The following COL12A1 variants were observed in gnomAD, a reference collection of about 807,000 sequenced individuals.
COL12A1 encodes the protein collagen alpha-1(XII) chain.
COL12A1 carries 114 observed loss-of-function variants against 349.7 expected under a neutral mutation model. The observed-to-expected ratio is 0.33, with a 90% CI of 0.28 to 0.38. The LOEUF is 0.38. Among genes scored for constraint, COL12A1 ranks in the 10% least tolerant of loss-of-function variants. The pLI, the probability that COL12A1 is intolerant of heterozygous loss-of-function variation, is 1.00. For synonymous variants in COL12A1, 1,369 were observed against 1,329.0 expected (o/e 1.03, Z -0.66); for missense variants, 3,284 against 3,756.9 (o/e 0.87, Z 3.29).
intron 57 of COL12A1, 61 bp downstream of exon 57, chr6:75,101,938 A>C: frequency 1.3e-6 from 2 of 1,556,876 alleles, no homozygotes; most frequent in Non-Finnish European, 1.8e-6. Flanking sequence ...TCACCTTTTG[A>C]GGCACTAGAA....
chr6:75,134,284 A>G (rs1018622674), intron 32 of COL12A1, among the ~76,000 whole-genome samples: 4 of 152,160 alleles, frequency 2.6e-5, no homozygotes, highest in East Asian at 3.9e-4. Flanking sequence ...AAAACGATCA[A>G]TATGGCCAGG....
At position 75,130,924 on chromosome 6, in the gene COL12A1, G is replaced by T. The variant is rs1766270923; in HGVS notation, c.5995C>A (p.Leu1999Ile). The change falls in exon 36 of 66, where the codon CTC becomes ATC. Residue 1999 changes from leucine to isoleucine, a missense_variant. Around this residue, in one of 2 missense-constraint regions of COL12A1, gnomAD observed 2,601 missense variants for 2,824.8 expected, o/e 0.92. Coordinates refer to ENST00000322507, the MANE Select transcript of COL12A1 (RefSeq NM_004370.6). ...AGAGCCACAAGGTTCACGGAATAGA[G>T]TGTGTCCGGAATCAGCCGCTCCAGA... ...VHLERLIPDT[L>I]YSVNLVALYS... The T allele has an allele frequency of 2.5e-6, 4 of 1,614,160 alleles. No homozygotes were observed. The highest frequency in any genetic ancestry group is 1.6e-4 in the Middle Eastern group (1 of 6,062).
intron 38 of COL12A1, among the ~76,000 whole-genome samples, chr6:75,127,047 A>C (rs1292800165): frequency 6.6e-6 from 1 of 152,154 alleles, no homozygotes; most frequent in African/African-American, 2.4e-5. Flanking sequence ...TGAGTTTACT[A>C]TTCACAGCAT....
intron 1 of COL12A1, among the ~76,000 whole-genome samples, chr6:75,204,772 A>T (rs1445350492): frequency 6.6e-6 from 1 of 151,408 alleles, no homozygotes; most frequent in African/African-American, 2.4e-5. Context: ...GCGTCCAGTT[A>T]AAAAGAAAAT....
intron 27 of COL12A1, among the ~76,000 whole-genome samples, chr6:75,141,538 C>A (rs940607095): frequency 6.6e-6 from 1 of 152,172 alleles, no homozygotes; most frequent in Non-Finnish European, 1.5e-5. Context: ...ATTTCAGTGC[C>A]ACCTGACCTA....
At position 75,174,283 on chromosome 6, in the gene COL12A1, C is replaced by G. The variant is rs1016098223; in HGVS notation, c.2710+755G>C. On this transcript the variant is annotated intron_variant, in intron 13 of 65. Transcript: ENST00000322507. ...ATAGAAACTTGGATTCTTGGCCAGG[C>G]GCGGTGGCTCAGGCCTGTAATCCCA... 5.3e-5 allele frequency among the ~76,000 whole-genome samples: 8 copies of G among 152,080 alleles called. 1 individual carries two copies. Among genetic ancestry groups the G allele is most frequent in the Admixed American group, 5.2e-4 (8 of 15,266 alleles).
intron 14 of COL12A1, 105 bp from the exon 15 acceptor site, chr6:75,156,628 T>C: frequency 9.6e-7 from 1 of 1,046,250 alleles, no homozygotes; most frequent in Non-Finnish European, 1.4e-6. Context: ...CTTAAATATG[T>C]ACACTGTTCC....
intron 38 of COL12A1, among the ~76,000 whole-genome samples, chr6:75,127,558 A>G (rs943160759): frequency 1.3e-5 from 2 of 152,206 alleles, no homozygotes; most frequent in African/African-American, 4.8e-5. Flanking sequence ...ACTCAGATCT[A>G]GAGTTCATCC....
intron 30 of COL12A1, 76 bp from the exon 31 acceptor site, chr6:75,137,655 G>T: frequency 1.3e-6 from 2 of 1,482,770 alleles, no homozygotes; most frequent in Non-Finnish European, 1.8e-6. Context: ...AGCTCCCAAG[G>T]CAATCAGAGA....
Position 75,191,687 on chromosome 6 carries a change from A to G in COL12A1, c.394+14T>C. Reference sequence around the variant, plus strand: ...TCCATGAATCTAAGCAAAAATAGTAAGAGAAACACTCACTTTGTATCTCGG... The same window carrying G: ...TCCATGAATCTAAGCAAAAATAGTAGGAGAAACACTCACTTTGTATCTCGG... On this transcript the variant is annotated intron_variant, in intron 5 of 65. Transcript: ENST00000322507. 2 of 1,585,794 alleles carry G rather than the reference A, an allele frequency of 1.3e-6. No individual in the cohort carries two copies. The highest frequency in any genetic ancestry group is 1.7e-6 in the Non-Finnish European group (2 of 1,165,472).
chr6:75,096,905 A>C (rs1476882100), intron 59 of COL12A1, among the ~76,000 whole-genome samples: 9 of 151,828 alleles, frequency 5.9e-5, no homozygotes, highest in African/African-American at 1.4e-4. Flanking sequence ...CAAAAAAAAA[A>C]AAAAAAAAAA....
chr6:75,177,871 C>A lies in COL12A1; in HGVS notation c.2229G>T (p.Trp743Cys), dbSNP rs1345727692. 1 of 1,613,628 alleles carries A rather than the reference C, an allele frequency of 6.2e-7. No individual in the cohort carries two copies. Among genetic ancestry groups the A allele is most frequent in the Non-Finnish European group, 8.5e-7 (1 of 1,180,004 alleles). Residue 743 changes from tryptophan (W) to cysteine (C), a missense_variant, in exon 12 of 66, where the codon TGG becomes TGT. Physicochemically the swap from Trp to Cys is radical, Grantham distance 215. Around this residue, in one of 2 missense-constraint regions of COL12A1, gnomAD observed 2,601 missense variants for 2,824.8 expected, o/e 0.92. Transcript: ENST00000322507. ...DETTDSFKIT[W>C]TQAPGRVLRY... ...TTAAAACTCTCCCTGGAGCTTGAGTCCAAGTAATTTTGAAACTATCTGTAG... is the reference window on the plus strand; with the variant it reads ...TTAAAACTCTCCCTGGAGCTTGAGTACAAGTAATTTTGAAACTATCTGTAG...
chr6:75,120,341 A>T (rs190490115), intron 44 of COL12A1, among the ~76,000 whole-genome samples: 240 of 152,328 alleles, frequency 1.6e-3, no homozygotes, highest in African/African-American at 5.7e-3. Context: ...TCCATAAAAG[A>T]GGACAAGTTT....
chr6:75,131,484 C>T (rs1250875390), intron 35 of COL12A1, among the ~76,000 whole-genome samples: 1 of 152,134 alleles, frequency 6.6e-6, no homozygotes, highest in Admixed American at 6.5e-5. Context: ...TTTATTTTTG[C>T]AAAGACTATA....
intron 12 of COL12A1, among the ~76,000 whole-genome samples, chr6:75,176,332 G>A (rs1479728274): frequency 2.7e-5 from 4 of 149,788 alleles, no homozygotes; most frequent in Non-Finnish European, 4.4e-5. Context: ...GGAGGAGGGA[G>A]AGTGATGCAG....
At chr6:75,089,978 T>G (rs1767678588) in intron 63 of COL12A1, 132 bp downstream of exon 63, 2 of 919,848 alleles carry the variant, frequency 2.2e-6, no homozygotes, top group Admixed American at 4.6e-5. Context: ...CTAACAGCTC[T>G]TCTGAGGCTG....
chr6:75,109,097 A>C lies in COL12A1; in HGVS notation c.8021T>G (p.Ile2674Ser). The change falls in exon 52 of 66, where the codon ATC becomes AGC. Residue 2674 changes from isoleucine (I) to serine (S), a missense_variant. Physicochemically the swap from Ile to Ser is moderately radical, Grantham distance 142. This residue lies in a region of COL12A1 where 683 missense variants were observed against 932.1 expected (regional missense o/e 0.73). Coordinates refer to ENST00000322507, the MANE Select transcript of COL12A1 (RefSeq NM_004370.6). ...IDCYEIIEKD[I>S]KEAGNITTDG... is the part of the protein sequence containing the mutation. The stretch of plus-strand genomic sequence containing the variant: ...AGTTGTTATATTTCCAGCTTCCTTG[A>C]TGTCTTTTTCTATAATTTCATAGCA... The C allele has an allele frequency of 6.2e-7, 1 of 1,611,172 alleles. No individual in the cohort carries two copies. Among genetic ancestry groups the C allele is most frequent in the South Asian group, 1.1e-5 (1 of 90,846 alleles).
chr6:75,175,187 C>G lies in COL12A1; in HGVS notation c.2561G>C (p.Gly854Ala). ...CCTCACAGTGACCTCTTGAGTTTCA[C>G]CCCCTGCCACTGGGGTATATGTGAC... ...YLVTYTPVAG[G>A]ETQEVTVRGD... The change falls in exon 13 of 66, where the codon GGT becomes GCT. Residue 854 changes from glycine (G) to alanine (A), a missense_variant. Gly to Ala is a moderately conservative substitution (Grantham distance 60). This residue lies in a region of COL12A1 where 2,601 missense variants were observed against 2,824.8 expected (regional missense o/e 0.92). Transcript: ENST00000322507. The G allele has an allele frequency of 6.2e-7, 1 of 1,614,148 alleles. No homozygotes were observed. Among genetic ancestry groups the G allele is most frequent in the Non-Finnish European group, 8.5e-7 (1 of 1,180,030 alleles).
chr6:75,158,376 C>T (rs908074074), intron 14 of COL12A1, among the ~76,000 whole-genome samples: 5 of 152,048 alleles, frequency 3.3e-5, no homozygotes, highest in South Asian at 2.1e-4. Context: ...AGGAAGGTGA[C>T]CACACACCAG....
Sources: allele counts gnomAD v4.1 joint callset (sites outside exome capture counted in the v4.1 genomes callset), GRCh38; gene constraint gnomAD v4.1.1; regional missense constraint gnomAD v4.1.1; transcripts MANE v1.5; gene names NCBI Gene and HGNC (gene_info 2026-07-23, HGNC 2026-07-21).